Variants in RBFOX1 observed in about 807,000 individuals in gnomAD.
RBFOX1 encodes the protein RNA binding fox-1 homolog 1.
RBFOX1 carries 8 observed loss-of-function variants against 57.7 expected under a neutral mutation model. The ratio of observed to expected loss-of-function variants is 0.14; its 90% CI spans 0.08 to 0.25. The LOEUF (loss-of-function observed/expected upper bound fraction) is 0.25. RBFOX1 is among the 10% of genes least tolerant of loss of function. The pLI is 1.00. For missense variants in RBFOX1, 611 were observed against 548.5 expected, an observed-to-expected ratio of 1.11 and a Z score of -1.14; for synonymous variants, 326 against 222.4, an observed-to-expected ratio of 1.47 and a Z score of -4.15.
intron 3 of RBFOX1, among the ~76,000 whole-genome samples, chr16:5,710,576 C>G (rs1424146822): frequency 6.6e-6 from 1 of 152,200 alleles, no homozygotes; most frequent in Non-Finnish European, 1.5e-5. Context: ...CTTTTCTTCT[C>G]TGATTAAGGC....
intron 4 of RBFOX1, among the ~76,000 whole-genome samples, chr16:7,297,383 A>C (rs2095917565): frequency 6.6e-6 from 1 of 152,172 alleles, no homozygotes. Flanking sequence ...GTTTCTCAGC[A>C]GCCTTGGCAC....
intron 5 of RBFOX1, among the ~76,000 whole-genome samples, chr16:7,550,263 T>C (rs62009898): frequency 2.9e-5 from 4 of 138,276 alleles, no homozygotes; most frequent in East Asian, 2.1e-4. Flanking sequence ...TTTTTTTTTT[T>C]GGCTGGGCTG....
intron 1 of RBFOX1, among the ~76,000 whole-genome samples, chr16:6,203,858 T>C (rs750455102): frequency 5.3e-5 from 8 of 152,182 alleles, no homozygotes; most frequent in Non-Finnish European, 1.0e-4. Context: ...GGTCTGCTTC[T>C]TTCATCTATT....
intron 4 of RBFOX1, chr16:7,304,214 CA>C: frequency 1.1e-6 from 1 of 921,052 alleles, no homozygotes; most frequent in Non-Finnish European, 1.3e-6. Flanking sequence ...GAGAGAGAGA[CA>C]GAGAGAGAGA....
intron 2 of RBFOX1, among the ~76,000 whole-genome samples, chr16:5,473,628 T>G (rs1028725041): frequency 7.5e-6 from 1 of 133,074 alleles, no homozygotes; most frequent in Non-Finnish European, 1.6e-5. Context: ...GATGGAAGGA[T>G]AGATGTAAGG....
chr16:5,471,193 C>T (rs1186219821), intron 2 of RBFOX1, among the ~76,000 whole-genome samples: 2 of 152,198 alleles, frequency 1.3e-5, no homozygotes, highest in African/African-American at 4.8e-5. Flanking sequence ...ACACAGCCCC[C>T]AGAGCATCTT....
At chr16:7,258,701 G>C (rs558174461) in intron 4 of RBFOX1, among the ~76,000 whole-genome samples, 1 of 152,098 alleles carries the variant, frequency 6.6e-6, no homozygotes, top group African/African-American at 2.4e-5. Flanking sequence ...CATGGTTGCT[G>C]TTCTATTAGA....
At chr16:5,610,373 T>A (rs1261922297) in intron 3 of RBFOX1, 1 of 152,220 alleles carries the variant, frequency 6.6e-6, no homozygotes, top group Admixed American at 6.5e-5. Flanking sequence ...TTGTCCCCGT[T>A]TAACAGAAGA....
At chr16:5,429,127 C>T (rs890010661) in intron 1 of RBFOX1, among the ~76,000 whole-genome samples, 6 of 152,186 alleles carry the variant, frequency 3.9e-5, no homozygotes, top group African/African-American at 1.4e-4. Flanking sequence ...GCCTCTCTGC[C>T]TGACTCAGCC....
At chr16:6,989,859 G>T (rs1293859712) in intron 3 of RBFOX1, among the ~76,000 whole-genome samples, 2 of 151,924 alleles carry the variant, frequency 1.3e-5, no homozygotes, top group African/African-American at 2.4e-5. Context: ...CATTAGCCAG[G>T]CCTGGTGATG....
chr16:5,522,990 G>A (rs1567190005), intron 2 of RBFOX1, among the ~76,000 whole-genome samples: 1 of 58,270 alleles, frequency 1.7e-5, no homozygotes, highest in Non-Finnish European at 2.8e-5. Context: ...ATAAAGTGCT[G>A]CAAAATCATG....
At chr16:6,424,965 A>G (rs2093883128) in intron 2 of RBFOX1, among the ~76,000 whole-genome samples, 1 of 152,232 alleles carries the variant, frequency 6.6e-6, no homozygotes, top group African/African-American at 2.4e-5. Context: ...CATACCAAAC[A>G]GAATACAGGA....
intron 2 of RBFOX1, among the ~76,000 whole-genome samples, chr16:5,506,413 G>C (rs2043381156): frequency 6.6e-6 from 1 of 152,046 alleles, no homozygotes; most frequent in Non-Finnish European, 1.5e-5. Context: ...ATCCTTTCTT[G>C]GTCTAGTCCC....
chr16:6,656,979 TTTC>T (rs1165626361), intron 3 of RBFOX1, among the ~76,000 whole-genome samples: 1 of 118,126 alleles, frequency 8.5e-6, no homozygotes, highest in African/African-American at 3.4e-5. Flanking sequence ...TCTCCTCCCC[TTTC>T]CTCTCCTCTC....
intron 1 of RBFOX1, among the ~76,000 whole-genome samples, chr16:5,410,059 A>AT (rs1199837528): frequency 1.7e-4 from 20 of 117,596 alleles, no homozygotes; most frequent in South Asian, 8.8e-4. Flanking sequence ...AAAAAAAAAA[A>AT]AAAAAAATAA....
chr16:6,351,242 G>A (rs972088108), intron 2 of RBFOX1, among the ~76,000 whole-genome samples: 2 of 148,142 alleles, frequency 1.4e-5, no homozygotes, highest in Non-Finnish European at 3.0e-5. Context: ...TTATATATAT[G>A]CATATGCGTT....
intron 1 of RBFOX1, among the ~76,000 whole-genome samples, chr16:6,040,882 C>T (rs908596424): frequency 1.3e-5 from 2 of 152,188 alleles, no homozygotes; most frequent in African/African-American, 4.8e-5. Context: ...GCTTGAGCCA[C>T]CACACCCCAC....
chr16:7,155,698 C>CAAAA (rs1204208973), intron 4 of RBFOX1, among the ~76,000 whole-genome samples: 407 of 23,810 alleles, frequency 0.017, 2 homozygotes, highest in East Asian at 0.044. Context: ...CTCCTCCCAC[C>CAAAA]AAAAAAAAAA....
At chr16:7,259,402 G>A (rs1291216436) in intron 4 of RBFOX1, among the ~76,000 whole-genome samples, 2 of 151,966 alleles carry the variant, frequency 1.3e-5, no homozygotes, top group Non-Finnish European at 2.9e-5. Flanking sequence ...TATTCCTAGG[G>A]CAGGAACTTT....
Sources: gnomAD v4.1 joint callset for allele counts (sites outside exome capture counted in the v4.1 genomes callset) on GRCh38, gnomAD v4.1.1 for gene constraint, MANE v1.5 for transcripts, NCBI Gene and HGNC (gene_info 2026-07-23, HGNC 2026-07-21) for gene names.